Variants in GMNC observed in about 807,000 individuals in gnomAD.
GMNC encodes geminin coiled-coil domain containing, also known as geminin coiled-coil domain-containing protein 1.
Under a neutral mutation model 33.6 loss-of-function variants are expected in GMNC, and 16 were observed. The ratio of observed to expected loss-of-function variants is 0.48; its 90% CI spans 0.32 to 0.72. GMNC has a LOEUF of 0.72. GMNC is among the 30% of genes least tolerant of loss of function. The pLI is 0.03. For missense variants in GMNC, 393 were observed against 388.9 expected, an observed-to-expected ratio of 1.01 and a Z score of -0.09; for synonymous variants, 156 against 147.3, an observed-to-expected ratio of 1.06 and a Z score of -0.43.
At chr3:190,845,468 G>A in the GMNC span, among the ~76,000 whole-genome samples, 2 of 151,284 alleles carry the variant, frequency 1.3e-5, no homozygotes, top group African/African-American at 2.4e-5. Context: ...GGAATGATAA[G>A]GTCTAGGGCT....
At chr3:190,845,988 G>T in the GMNC span, among the ~76,000 whole-genome samples, 1 of 152,232 alleles carries the variant, frequency 6.6e-6, no homozygotes, top group South Asian at 2.1e-4. Flanking sequence ...AGCACTTTGG[G>T]AGGTGAAGGC....
chr3:190,856,299 TA>T (rs1200670038), intron 4 of GMNC, among the ~76,000 whole-genome samples: 3 of 140,150 alleles, frequency 2.1e-5, no homozygotes, highest in Non-Finnish European at 4.6e-5. Flanking sequence ...TATTTATAAA[TA>T]ATACTTATAT....
chr3:190,849,584 T>C (rs1460673581), downstream of GMNC, among the ~76,000 whole-genome samples: 1 of 152,206 alleles, frequency 6.6e-6, no homozygotes, highest in East Asian at 1.9e-4. Flanking sequence ...TTGGGCCTTA[T>C]CCCTGAGGGG....
rs1163142763 is a variant in GMNC at position 190,861,455 on chromosome 3, C to CTTCT, written c.4-598_4-597insAGAA. 6.9e-6 allele frequency among the ~76,000 whole-genome samples: 1 copy of CTTCT among 145,896 alleles called. No homozygotes were observed. Among genetic ancestry groups the CTTCT allele is most frequent in the African/African-American group, 2.6e-5 (1 of 39,134 alleles). ...TCTGTCTGTCTGTCTGTCTGCCTAT[C>CTTCT]ATCTATCTATCTATCTATCTATCTA... On this transcript the variant is annotated intron_variant, in intron 1 of 4. Transcript: ENST00000442080. The surrounding 1 kb of genome is among the most constrained non-coding windows in gnomAD (Gnocchi z 5.1).
At chr3:190,844,265 A>C in the GMNC span, among the ~76,000 whole-genome samples, 1 of 151,994 alleles carries the variant, frequency 6.6e-6, no homozygotes, top group Non-Finnish European at 1.5e-5. Flanking sequence ...TATTAGCAAA[A>C]ATATAAATGA....
downstream of GMNC, among the ~76,000 whole-genome samples, chr3:190,849,040 A>C (rs535007516): frequency 1.3e-5 from 2 of 152,324 alleles, no homozygotes; most frequent in South Asian, 4.1e-4. Context: ...ATCTAGGGCT[A>C]TGCTGAGTCA....
intron 1 of GMNC, 27 bp from the exon 2 acceptor site, chr3:190,860,885 AG>A: frequency 6.7e-7 from 1 of 1,494,166 alleles, no homozygotes; most frequent in East Asian, 2.5e-5. Context: ...GGGGGGAGTG[AG>A]GGGTCCCAAA....
At chr3:190,850,350 T>C (rs1737613627), downstream of GMNC, among the ~76,000 whole-genome samples, 1 of 152,258 alleles carries the variant, frequency 6.6e-6, no homozygotes, top group Non-Finnish European at 1.5e-5. Context: ...GACAGCCAAG[T>C]GTCCCCAGTG....
rs1418887728 is a variant in GMNC, at chr3:190,861,648, G to A, written c.4-790C>T. Among the ~76,000 whole-genome samples, 1 of 152,134 alleles carries A rather than the reference G, an allele frequency of 6.6e-6. No homozygotes were observed. Among genetic ancestry groups the A allele is most frequent in the Non-Finnish European group, 1.5e-5 (1 of 68,028 alleles). On this transcript the variant is annotated intron_variant, in intron 1 of 4. Coordinates refer to ENST00000442080, the MANE Select transcript of GMNC (RefSeq NM_001146686.3). The surrounding 1 kb of genome is among the most constrained non-coding windows in gnomAD (Gnocchi z 5.1). The stretch of plus-strand genomic sequence containing the variant: ...CAAGCTCTAGTTCTGTCCATCACTA[G>A]GGCTCAGTGCCCCTCCAAAGTTATC...
At chr3:190,846,949 G>A in the GMNC span, among the ~76,000 whole-genome samples, 1 of 152,154 alleles carries the variant, frequency 6.6e-6, no homozygotes, top group African/African-American at 2.4e-5. Flanking sequence ...TATTATAACT[G>A]ATCTCCCTCT....
At chr3:190,860,899 A>T (rs907571039) in intron 1 of GMNC, 41 bp from the exon 2 acceptor site, 2 of 1,400,254 alleles carry the variant, frequency 1.4e-6, no homozygotes, top group Non-Finnish European at 2.0e-6. Flanking sequence ...GTCCCAAAAG[A>T]TGGGGTGATG....
At chr3:190,845,933 A>G in the GMNC span, among the ~76,000 whole-genome samples, 8 of 152,226 alleles carry the variant, frequency 5.3e-5, no homozygotes, top group African/African-American at 1.9e-4. Context: ...ATTACATATA[A>G]TAAAGAATGT....
In GMNC at chr3:190,855,640, G is replaced by A; in HGVS notation, c.660C>T (p.Ala220=). The change falls in exon 5 of 5, where the codon GCC becomes GCT. Residue 220 remains alanine, a synonymous_variant. Transcript: ENST00000442080. ...CATCCGGAAACTGGGAAAATGTGCTGGCGACTCTTCTGGGATGAGATGCGA... is the reference window on the plus strand; with the variant it reads ...CATCCGGAAACTGGGAAAATGTGCTAGCGACTCTTCTGGGATGAGATGCGA... ...SALASHPRRV[A]STFSQFPDDA... The A allele has an allele frequency of 1.3e-6, 2 of 1,551,546 alleles. No homozygotes were observed. Among genetic ancestry groups the A allele is most frequent in the South Asian group, 2.4e-5 (2 of 84,062 alleles).
At chr3:190,857,964 C>T (rs753697898) in intron 3 of GMNC, 65 bp from the exon 4 acceptor site, 1 of 839,598 alleles carries the variant, frequency 1.2e-6, no homozygotes, top group Non-Finnish European at 2.0e-6. Flanking sequence ...TATAATAATG[C>T]CACTGCTCCT....
chr3:190,848,163 T>C (rs1737580484), downstream of GMNC, among the ~76,000 whole-genome samples: 2 of 152,218 alleles, frequency 1.3e-5, no homozygotes, highest in South Asian at 4.1e-4. Context: ...TCTAAGCAAT[T>C]GTCTTGACTC....
chr3:190,850,484 G>T (rs948599558), downstream of GMNC, among the ~76,000 whole-genome samples: 2 of 152,200 alleles, frequency 1.3e-5, no homozygotes, highest in Admixed American at 6.5e-5. Context: ...CTGGGAAGAT[G>T]GGGAAGAGCC....
At position 190,854,890 on chromosome 3, in the gene GMNC, C is replaced by T. The variant is rs1299762378; in HGVS notation, c.*405G>A. On this transcript the variant is annotated 3_prime_UTR_variant, in exon 5 of 5. Coordinates refer to ENST00000442080, the MANE Select transcript of GMNC (RefSeq NM_001146686.3). ...TAGGGCTCATTCTAAAGACAGTTTT[C>T]AGAAATGACAAAGGGAGAAAAGTAA... The T allele has an allele frequency of 5.2e-6, 1 of 191,478 alleles. No individual in the cohort carries two copies. The highest frequency in any genetic ancestry group is 2.4e-5 in the African/African-American group (1 of 42,446). The allele number at this position is 191,478 out of a possible 1,614,324, so 11.9% of individuals were successfully genotyped here.
intron 3 of GMNC, 144 bp from the exon 4 acceptor site, chr3:190,858,043 C>T (rs2108532180): frequency 1.6e-6 from 1 of 614,258 alleles, no homozygotes; most frequent in East Asian, 2.7e-5. Flanking sequence ...TCCTGAGAGG[C>T]CTAAATTAAA....
downstream of GMNC, among the ~76,000 whole-genome samples, chr3:190,852,523 T>A (rs1737651241): frequency 6.6e-6 from 1 of 152,164 alleles, no homozygotes; most frequent in South Asian, 2.1e-4. Flanking sequence ...AAATTGATAC[T>A]GGATTCTAAT....
Sources: gnomAD v4.1 joint callset for allele counts (sites outside exome capture counted in the v4.1 genomes callset) on GRCh38, gnomAD v4.1.1 for gene constraint, Gnocchi (gnomAD v3.1) non-coding constraint, MANE v1.5 for transcripts, NCBI Gene and HGNC (gene_info 2026-07-23, HGNC 2026-07-21) for gene names.